The following ANKRD33B variants were observed in gnomAD, a reference collection of about 807,000 sequenced individuals.
The protein encoded by ANKRD33B is ankyrin repeat domain 33B.
Under a neutral mutation model 21.5 loss-of-function variants are expected in ANKRD33B, and 6 were observed. That is an observed-to-expected ratio of 0.28 (90% CI 0.15 to 0.55). The LOEUF (loss-of-function observed/expected upper bound fraction) is 0.55. Among genes scored for constraint, ANKRD33B ranks in the 20% least tolerant of loss-of-function variants. The probability of loss-of-function intolerance (pLI) is 0.94; values close to 1 mark genes in which losing one functional copy is unlikely to be tolerated. For synonymous variants in ANKRD33B, 347 were observed against 342.4 expected (o/e 1.01, Z -0.15); for missense variants, 698 against 747.2 (o/e 0.93, Z 0.77).
At chr5:10,569,673 G>A (rs1735133351) in intron 1 of ANKRD33B, among the ~76,000 whole-genome samples, 1 of 152,108 alleles carries the variant, frequency 6.6e-6, no homozygotes, top group Non-Finnish European at 1.5e-5. Context: ...ATTCTGAACT[G>A]TGAGAAAGCG....
At chr5:10,643,120 G>A (rs1456860571) in intron 3 of ANKRD33B, among the ~76,000 whole-genome samples, 1 of 152,036 alleles carries the variant, frequency 6.6e-6, no homozygotes, top group African/African-American at 2.4e-5. Context: ...GGCCAGGCTG[G>A]TCTCAAACTC....
chr5:10,613,584 C>T (rs192512377), intron 1 of ANKRD33B, among the ~76,000 whole-genome samples: 38 of 152,104 alleles, frequency 2.5e-4, no homozygotes, highest in Admixed American at 1.4e-3. Context: ...CTCATGAATA[C>T]AGCTTTGTTT....
At chr5:10,620,409 A>G (rs751251598) in intron 2 of ANKRD33B, among the ~76,000 whole-genome samples, 42 of 152,332 alleles carry the variant, frequency 2.8e-4, no homozygotes, top group Non-Finnish European at 5.4e-4. Context: ...AGAGGTCTCC[A>G]TGGCAAGTCA....
In ANKRD33B at chr5:10,573,496, A is replaced by G. The variant is rs950895411; in HGVS notation, c.366+8663A>G. ...AAAAAAAAAAAAAAAACCTCTTCCA[A>G]TTCTTTTATGGACATACATACTGTA... On this transcript the variant is annotated intron_variant, in intron 1 of 3. Coordinates refer to ENST00000296657, the MANE Select transcript of ANKRD33B (RefSeq NM_001164440.2). Among the ~76,000 whole-genome samples the G allele has an allele frequency of 5.0e-4, 76 of 151,844 alleles. 4 individuals carry two copies. The highest frequency in any genetic ancestry group is 7.3e-5 in the African/African-American group (3 of 41,342).
At chr5:10,585,603 C>T (rs1411065304) in intron 1 of ANKRD33B, among the ~76,000 whole-genome samples, 1 of 152,196 alleles carries the variant, frequency 6.6e-6, no homozygotes, top group Admixed American at 6.5e-5. Flanking sequence ...CTCTGTCAGC[C>T]CTGGAGATGT....
rs993657296 is a variant in ANKRD33B at position 10,564,227 on chromosome 5, G to C, written c.-241G>C. On this transcript the variant is annotated 5_prime_UTR_variant, in exon 1 of 4. Coordinates refer to ENST00000296657, the MANE Select transcript of ANKRD33B (RefSeq NM_001164440.2). ...GCCCCGGGGGAAGGCGTGTCCCCGC[G>C]CCCCGCCCCGCCCCGCCTCGGAAAG... 1.3e-5 allele frequency: 2 copies of C among 157,142 alleles called. No homozygotes were observed. Among genetic ancestry groups the C allele is most frequent in the South Asian group, 4.1e-4 (2 of 4,898 alleles). 9.7% of individuals were successfully genotyped at this position (157,142 alleles called of 1,614,324 possible).
At position 10,638,958 on chromosome 5, in the gene ANKRD33B, AGTTGCACGGCGATGTTAGC is replaced by A. The variant is rs1239783512; in HGVS notation, c.637+792_637+810del. 1.1e-4 allele frequency among the ~76,000 whole-genome samples: 11 copies of A among 101,752 alleles called. 1 individual carries two copies. The highest frequency in any genetic ancestry group is 3.2e-4 in the African/African-American group (9 of 28,324). The allele number at this position is 101,752 out of a possible 152,430, so 66.8% of individuals were successfully genotyped here. The stretch of plus-strand genomic sequence containing the variant: ...GCGGCGATATTAGCGGGTGACGCGG[AGTTGCACGGCGATGTTAGC>A]GGGTGACGCGGAGTTGCGCGGCGAT... On this transcript the variant is annotated intron_variant, in intron 3 of 3. Transcript: ENST00000296657.
chr5:10,594,804 G>A (rs1490788757), intron 1 of ANKRD33B, among the ~76,000 whole-genome samples: 2 of 152,232 alleles, frequency 1.3e-5, no homozygotes, highest in African/African-American at 4.8e-5. Context: ...GAAACCTTGT[G>A]TGTGGGTCCT....
Position 10,585,554 on chromosome 5 carries a change from C to G in ANKRD33B, c.366+20721C>G, listed in dbSNP as rs142494733. Among the ~76,000 whole-genome samples the G allele has an allele frequency of 4.1e-3, 628 of 152,316 alleles. 6 individuals carry two copies. The highest frequency in any genetic ancestry group is 0.014 in the African/African-American group (597 of 41,560). On this transcript the variant is annotated intron_variant, in intron 1 of 3. Transcript: ENST00000296657. The stretch of plus-strand genomic sequence containing the variant: ...GGGAAAAGAAACGCACTGAGAAACA[C>G]CTGGAATTAGAAAGCACTTCCTGGG...
intron 2 of ANKRD33B, among the ~76,000 whole-genome samples, chr5:10,623,780 G>A (rs1171724447): frequency 6.6e-6 from 1 of 152,226 alleles, no homozygotes; most frequent in Non-Finnish European, 1.5e-5. Context: ...GCTATCCTGA[G>A]GGCAGCATCA....
chr5:10,618,222 A>G, intron 1 of ANKRD33B, 111 bp from the exon 2 acceptor site: 2 of 1,403,806 alleles, frequency 1.4e-6, no homozygotes, highest in African/African-American at 1.4e-5. Context: ...GGTCCCTGTC[A>G]TTGCCTTGTC....
chr5:10,618,898 G>T (rs537923608), intron 2 of ANKRD33B, among the ~76,000 whole-genome samples: 5 of 152,132 alleles, frequency 3.3e-5, no homozygotes, highest in East Asian at 1.9e-4. Context: ...TTAAAGAAAC[G>T]CCAGGAACTG....
chr5:10,649,136 G>GCA (rs1737257592), intron 3 of ANKRD33B, 130 bp from the exon 4 acceptor site: 1 of 1,416,938 alleles, frequency 7.1e-7, no homozygotes, highest in South Asian at 1.5e-5. Flanking sequence ...TGAACTAGGT[G>GCA]CAGTCTGTTA....
chr5:10,643,154 C>T (rs774692914), intron 3 of ANKRD33B, among the ~76,000 whole-genome samples: 17 of 152,106 alleles, frequency 1.1e-4, no homozygotes, highest in Admixed American at 4.6e-4. Context: ...CTGCATGCCT[C>T]GTCCTCCCAA....
At chr5:10,582,657 G>A (rs935037071) in intron 1 of ANKRD33B, among the ~76,000 whole-genome samples, 9 of 152,278 alleles carry the variant, frequency 5.9e-5, no homozygotes, top group Admixed American at 2.0e-4. Flanking sequence ...CCAGCTGTGC[G>A]CTGTGCTGCC....
chr5:10,566,671 G>A (rs930614320), intron 1 of ANKRD33B, among the ~76,000 whole-genome samples: 2 of 152,210 alleles, frequency 1.3e-5, no homozygotes, highest in East Asian at 1.9e-4. Flanking sequence ...TGACAGCAAC[G>A]TAAACCATCC....
At chr5:10,588,274 T>G (rs143179040) in intron 1 of ANKRD33B, among the ~76,000 whole-genome samples, 6 of 152,364 alleles carry the variant, frequency 3.9e-5, no homozygotes, top group African/African-American at 1.4e-4. Context: ...TCTTTTTTCC[T>G]TAGCACCTTC....
intron 2 of ANKRD33B, among the ~76,000 whole-genome samples, chr5:10,632,328 C>T (rs549386313): frequency 6.6e-6 from 1 of 152,070 alleles, no homozygotes. Context: ...ACATTTTCCC[C>T]ATGGGGCCTG....
At chr5:10,588,294 C>T (rs183950345) in intron 1 of ANKRD33B, among the ~76,000 whole-genome samples, 80 of 152,240 alleles carry the variant, frequency 5.3e-4, no homozygotes, top group Non-Finnish European at 9.1e-4. Context: ...CATGAGGGCA[C>T]CTTTCTTTGC....
Sources: gnomAD v4.1 joint callset for allele counts (sites outside exome capture counted in the v4.1 genomes callset) on GRCh38, gnomAD v4.1.1 for gene constraint, MANE v1.5 for transcripts, NCBI Gene and HGNC (gene_info 2026-07-23, HGNC 2026-07-21) for gene names.